The following B3GALNT2 variants were observed in gnomAD, a reference collection of about 807,000 sequenced individuals.
The protein encoded by B3GALNT2 is UDP-GalNAc:beta-1,3-N-acetylgalactosaminyltransferase 2.
In B3GALNT2, 53 loss-of-function variants were observed where a neutral mutation model predicts 61.1. The observed-to-expected ratio is 0.87, with a 90% CI of 0.70 to 1.09. The LOEUF (loss-of-function observed/expected upper bound fraction) is 1.09, where lower values mean the gene tolerates loss of function less well. Ranked by LOEUF, B3GALNT2 falls within the 50% of genes least tolerant of loss-of-function variation. B3GALNT2 has a pLI of 0.00. For missense variants in B3GALNT2, 544 were observed against 623.0 expected, an observed-to-expected ratio of 0.87 and a Z score of 1.35; for synonymous variants, 223 against 237.4, an observed-to-expected ratio of 0.94 and a Z score of 0.56.
chr1:235,454,248 A>C lies in B3GALNT2; in HGVS notation c.1219T>G (p.Tyr407Asp). The C allele has an allele frequency of 6.2e-7, 1 of 1,613,454 alleles. No individual in the cohort carries two copies. Among genetic ancestry groups the C allele is most frequent in the Non-Finnish European group, 8.5e-7 (1 of 1,179,448 alleles). ...CCTGACCCACATGCAAAGGCAGGGT[A>C]AGCGGGGCTCGGGTACTCCAACTCC... ...WQELEYPSPA[Y>D]PAFACGSGYV... The change falls in exon 10 of 12, where the codon TAC (tyrosine) becomes GAC (aspartate). Residue 407 changes from tyrosine to aspartate, a missense_variant. Physicochemically the swap from Tyr to Asp is radical, Grantham distance 160. Coordinates refer to ENST00000366600, the MANE Select transcript of B3GALNT2 (RefSeq NM_152490.5).
Position 235,458,755 on chromosome 1 carries a change from A to G in B3GALNT2, c.873T>C (p.Ser291=). ...EGDALLHNLH[S]RPQRLIDHIR... ...TATGATCAATAAGTCTTTGAGGGCG[A>G]GAATGAAGGTTGTGTAAGAGAGCAT... is the stretch of plus-strand genomic sequence containing the variant. Residue 291 remains serine (S), a synonymous_variant, in exon 8 of 12, where the codon TCT becomes TCC. Transcript: ENST00000366600. 6.2e-7 allele frequency: 1 copy of G among 1,601,360 alleles called. No individual in the cohort carries two copies. Among genetic ancestry groups the G allele is most frequent in the African/African-American group, 1.3e-5 (1 of 74,310 alleles).
chr1:235,458,753 C>A lies in B3GALNT2; in HGVS notation c.875G>T (p.Arg292Leu), dbSNP rs367543076. 3.1e-6 allele frequency: 5 copies of A among 1,600,242 alleles called. No homozygotes were observed. Among genetic ancestry groups the A allele is most frequent in the Non-Finnish European group, 4.3e-6 (5 of 1,175,748 alleles). Reference protein sequence around the residue: ...GDALLHNLHSRPQRLIDHIRN... With the variant: ...GDALLHNLHSLPQRLIDHIRN... ...TATATGATCAATAAGTCTTTGAGGG[C>A]GAGAATGAAGGTTGTGTAAGAGAGC... The change falls in exon 8 of 12, where the codon CGC (arginine) becomes CTC (leucine). Residue 292 changes from arginine (R) to leucine (L), a missense_variant. Transcript: ENST00000366600.
At chr1:235,477,833 G>A (rs1684360465) in intron 5 of B3GALNT2, among the ~76,000 whole-genome samples, 1 of 152,190 alleles carries the variant, frequency 6.6e-6, no homozygotes, top group Non-Finnish European at 1.5e-5. Context: ...TAATGATAAT[G>A]ACAACATCTA....
downstream of B3GALNT2, among the ~76,000 whole-genome samples, chr1:235,445,450 G>A (rs1364080820): frequency 1.2e-4 from 18 of 152,090 alleles, no homozygotes; most frequent in Admixed American, 1.2e-3. Flanking sequence ...GCAACATGGT[G>A]AAACCCCGTC....
rs980696651 is a variant in B3GALNT2, at chr1:235,485,283, T to C, written c.362-768A>G. Among the ~76,000 whole-genome samples, 16 of 152,356 alleles carry C rather than the reference T, an allele frequency of 1.1e-4. No individual in the cohort carries two copies. In the South Asian group the frequency reaches 3.3e-3, roughly 32 times the overall value. ...AGTCCCCTTTCCACTCCCTCACAGCTGTCTAATCAGTGCCAAAACAGTTCA... is the reference window on the plus strand; with the variant it reads ...AGTCCCCTTTCCACTCCCTCACAGCCGTCTAATCAGTGCCAAAACAGTTCA... On this transcript the variant is annotated intron_variant, in intron 3 of 11. Coordinates refer to ENST00000366600, the MANE Select transcript of B3GALNT2 (RefSeq NM_152490.5).
intron 5 of B3GALNT2, among the ~76,000 whole-genome samples, chr1:235,472,907 T>A (rs896599422): frequency 6.6e-5 from 10 of 152,184 alleles, no homozygotes; most frequent in Admixed American, 1.3e-4. Flanking sequence ...CTTTTTCTTT[T>A]TTTTTATTTT....
chr1:235,448,542 C>T lies in B3GALNT2; in HGVS notation c.*1664G>A. 2 of 1,396,928 alleles carry T rather than the reference C, an allele frequency of 1.4e-6. No individual in the cohort carries two copies. The highest frequency in any genetic ancestry group is 2.0e-6 in the Non-Finnish European group (2 of 982,850). 86.5% of individuals were successfully genotyped at this position (1,396,928 alleles called of 1,614,324 possible). ...CAACAGTTTGATTCTAAATGGAGAC[C>T]ATGGGTCTGTTTGTTTGATTTTAAG... On this transcript the variant is annotated 3_prime_UTR_variant, in exon 12 of 12. Coordinates refer to ENST00000366600, the MANE Select transcript of B3GALNT2 (RefSeq NM_152490.5).
At chr1:235,455,712 C>G (rs767214964) in intron 8 of B3GALNT2, 28 bp from the exon 9 acceptor site, 3 of 1,594,614 alleles carry the variant, frequency 1.9e-6, no homozygotes, top group South Asian at 2.2e-5. Context: ...ATAAGAAAGT[C>G]AGTGCGACCA....
chr1:235,489,295 A>G, intron 2 of B3GALNT2, 27 bp from the exon 3 acceptor site: 1 of 1,611,188 alleles, frequency 6.2e-7, no homozygotes, highest in Non-Finnish European at 8.5e-7. Flanking sequence ...CATTAACATC[A>G]GTTACTGATC....
intron 11 of B3GALNT2, chr1:235,450,562 G>C (rs531721875): frequency 4.0e-6 from 2 of 503,990 alleles, no homozygotes; most frequent in Admixed American, 6.7e-5. Flanking sequence ...GAAACAAGGC[G>C]GTGTGTGGAT....
At chr1:235,442,295 C>T (rs571251830), downstream of B3GALNT2, among the ~76,000 whole-genome samples, 2 of 152,238 alleles carry the variant, frequency 1.3e-5, no homozygotes, top group Admixed American at 6.5e-5. Flanking sequence ...CTTAGCCTCC[C>T]GAGTAGCTGG....
chr1:235,478,147 G>C (rs1684373516), intron 5 of B3GALNT2, among the ~76,000 whole-genome samples: 1 of 152,040 alleles, frequency 6.6e-6, no homozygotes, highest in African/African-American at 2.4e-5. Flanking sequence ...CTGTCCCCCG[G>C]GTTCAAGCGA....
chr1:235,484,098 A>G, intron 4 of B3GALNT2, among the ~76,000 whole-genome samples: 1 of 152,238 alleles, frequency 6.6e-6, no homozygotes, highest in East Asian at 1.9e-4. Flanking sequence ...AATCTAGTCA[A>G]CTCCTTCTCT....
chr1:235,467,578 G>A (rs1003759810), intron 6 of B3GALNT2, among the ~76,000 whole-genome samples: 1 of 151,112 alleles, frequency 6.6e-6, no homozygotes, highest in African/African-American at 2.4e-5. Context: ...TCTGCCTCGG[G>A]GGTTCAAGCG....
chr1:235,480,366 A>C (rs1352860834), intron 4 of B3GALNT2, among the ~76,000 whole-genome samples: 1 of 152,126 alleles, frequency 6.6e-6, no homozygotes, highest in Non-Finnish European at 1.5e-5. Flanking sequence ...GTTGTCACGA[A>C]ATTCTCAAAT....
At chr1:235,503,939 C>G (rs922374388) in intron 1 of B3GALNT2, among the ~76,000 whole-genome samples, 1 of 152,200 alleles carries the variant, frequency 6.6e-6, no homozygotes, top group Non-Finnish European at 1.5e-5. Flanking sequence ...TGAGAAGAGG[C>G]GGGGACACGA....
chr1:235,475,750 AAGAT>A (rs1214890497), intron 5 of B3GALNT2, among the ~76,000 whole-genome samples: 4 of 152,128 alleles, frequency 2.6e-5, no homozygotes, highest in Admixed American at 1.3e-4. Flanking sequence ...GAACATTTAG[AAGAT>A]AGATATACAA....
At chr1:235,494,063 G>GA (rs1685197982) in intron 2 of B3GALNT2, among the ~76,000 whole-genome samples, 1 of 151,946 alleles carries the variant, frequency 6.6e-6, no homozygotes, top group African/African-American at 2.4e-5. Flanking sequence ...GGGTAGTCAG[G>GA]AAAAAGAGCA....
rs140350162 is a variant in B3GALNT2 at position 235,453,097 on chromosome 1, C to G, written c.1361G>C (p.Arg454Thr). ...GIWMAAIGPK[R>T]YQDSLWLCEK... ...CCATCCCCAAAGACTTACCTGGTAT[C>G]TTTTAGGTCCTATGGCAGCCATCCA... Residue 454 changes from arginine to threonine, a missense_variant, in exon 11 of 12, where the codon AGA becomes ACA. By Grantham distance (71) the Arg-to-Thr change is moderately conservative (BLOSUM62 -1). Coordinates refer to ENST00000366600, the MANE Select transcript of B3GALNT2 (RefSeq NM_152490.5). The G allele has an allele frequency of 8.0e-4, 1,293 of 1,611,830 alleles. 10 individuals carry two copies. The highest frequency in any genetic ancestry group is 4.4e-5 in the Non-Finnish European group (52 of 1,177,912).
Sources: gnomAD v4.1 joint callset for allele counts (sites outside exome capture counted in the v4.1 genomes callset) on GRCh38, gnomAD v4.1.1 for gene constraint, MANE v1.5 for transcripts, NCBI Gene and HGNC (gene_info 2026-07-23, HGNC 2026-07-21) for gene names.